Variants in DOCK10 observed in about 807,000 individuals in gnomAD.
The protein encoded by DOCK10 is dedicator of cytokinesis protein 10.
A neutral mutation model predicts 280.1 loss-of-function variants in DOCK10; 145 were observed. The ratio of observed to expected loss-of-function variants is 0.52; its 90% confidence interval spans 0.45 to 0.59. The LOEUF (loss-of-function observed/expected upper bound fraction) is 0.59. Ranked by LOEUF, DOCK10 falls within the 20% of genes least tolerant of loss-of-function variation. The probability of loss-of-function intolerance (pLI) is 0.00; values close to 1 mark genes in which losing one functional copy is unlikely to be tolerated. For synonymous variants in DOCK10, 915 were observed against 942.2 expected, an observed-to-expected ratio of 0.97 and a Z score of 0.53; for missense variants, 2,368 against 2,651.7, an observed-to-expected ratio of 0.89 and a Z score of 2.35.
chr2:224,819,810 A>C (rs979434296), intron 28 of DOCK10, among the ~76,000 whole-genome samples: 2 of 152,192 alleles, frequency 1.3e-5, no homozygotes, highest in African/African-American at 4.8e-5. Flanking sequence ...ATTGAAAGGA[A>C]AAACAGAATG....
At chr2:224,918,445 G>A (rs1701461263) in intron 2 of DOCK10, among the ~76,000 whole-genome samples, 1 of 141,028 alleles carries the variant, frequency 7.1e-6, no homozygotes, top group Non-Finnish European at 1.6e-5. Flanking sequence ...CGTATGGTGT[G>A]TGTATGTGTT....
At chr2:224,919,270 T>C (rs62647510) in intron 2 of DOCK10, among the ~76,000 whole-genome samples, 34,461 of 150,266 alleles carry the variant, frequency 0.23, 4,415 homozygotes, top group Non-Finnish European at 0.28. Context: ...TGTAGGTTTG[T>C]CTGCATGTGT....
At chr2:224,951,214 T>A (rs1289571537) in intron 1 of DOCK10, among the ~76,000 whole-genome samples, 2 of 152,222 alleles carry the variant, frequency 1.3e-5, no homozygotes, top group Admixed American at 1.3e-4. Flanking sequence ...TGAAACAATA[T>A]ATGTGAGTCC....
Position 224,765,602 on chromosome 2 carries a change from TA to T in DOCK10, c.*118del. On this transcript the variant is annotated 3_prime_UTR_variant, in exon 56 of 56. Coordinates refer to ENST00000258390, the MANE Select transcript of DOCK10 (RefSeq NM_014689.3). Reference sequence around the variant, plus strand: ...TGGCAAAATTCTGAAGCTAGCGAGGTAAACAAAAATATTAACACCATGAAAA... The same window carrying T: ...TGGCAAAATTCTGAAGCTAGCGAGGTAACAAAAATATTAACACCATGAAAA... 1 of 678,262 alleles carries T rather than the reference TA, an allele frequency of 1.5e-6. No individual in the cohort carries two copies. The highest frequency in any genetic ancestry group is 2.4e-6 in the Non-Finnish European group (1 of 424,978). The allele number at this position is 678,262 out of a possible 1,614,324, so 42.0% of individuals were successfully genotyped here.
At chr2:225,015,904 C>G (rs1380262611) in intron 1 of DOCK10, among the ~76,000 whole-genome samples, 1 of 152,018 alleles carries the variant, frequency 6.6e-6, no homozygotes, top group African/African-American at 2.4e-5. Flanking sequence ...AAAATGTCAA[C>G]TAAATAAAAT....
Position 224,985,375 on chromosome 2 carries a change from TATC to T in DOCK10, c.124-53710_124-53708del, listed in dbSNP as rs566318730. On this transcript the variant is annotated intron_variant, in intron 1 of 55. Coordinates refer to ENST00000258390, the MANE Select transcript of DOCK10 (RefSeq NM_014689.3). ...GGGTCATTAATTATATATTATATTA[TATC>T]ATATTATTGTATGTTATTTCATATA... Among the ~76,000 whole-genome samples, 88 of 151,464 alleles carry T rather than the reference TATC, an allele frequency of 5.8e-4. 1 individual carries two copies. Among genetic ancestry groups the T allele is most frequent in the Admixed American group, 2.4e-3 (37 of 15,180 alleles).
At position 224,794,852 on chromosome 2, in the gene DOCK10, G is replaced by C. The variant is rs370070488; in HGVS notation, c.5154+27C>G. The C allele has an allele frequency of 1.4e-3, 2,263 of 1,608,670 alleles. 3 individuals carry two copies. The highest frequency in any genetic ancestry group is 1.7e-3 in the Non-Finnish European group (2,043 of 1,176,422). ...CCTGATAAAGAGGACAATACTGATG[G>C]TAAATGACCAAGCCTTGGCTAATCA... On this transcript the variant is annotated intron_variant, in intron 45 of 55. Coordinates refer to ENST00000258390, the MANE Select transcript of DOCK10 (RefSeq NM_014689.3).
chr2:224,955,088 C>A (rs932702946), intron 1 of DOCK10, among the ~76,000 whole-genome samples: 1 of 152,182 alleles, frequency 6.6e-6, no homozygotes, highest in African/African-American at 2.4e-5. Context: ...AAATTAACTA[C>A]AGACCAATGT....
chr2:225,025,574 T>C (rs1056884259), intron 1 of DOCK10, among the ~76,000 whole-genome samples: 1 of 152,212 alleles, frequency 6.6e-6, no homozygotes, highest in African/African-American at 2.4e-5. Flanking sequence ...GGGCCTAGAA[T>C]GCAATTTTCC....
chr2:225,036,903 G>GTTTT lies in DOCK10; in HGVS notation c.123+5345_123+5348dup, dbSNP rs56000508. Among the ~76,000 whole-genome samples, 264 of 145,852 alleles carry GTTTT rather than the reference G, an allele frequency of 1.8e-3. 4 individuals are homozygous for GTTTT. Among genetic ancestry groups the GTTTT allele is most frequent in the Admixed American group, 3.0e-3 (44 of 14,648 alleles). ...GATTACATCTAACTTTCCTAATACT[G>GTTTT]TTTTTTTTTTTCTGGCTAATATTAC... On this transcript the variant is annotated intron_variant, in intron 1 of 55. Transcript: ENST00000258390.
chr2:224,931,504 G>T (rs1349990869), intron 2 of DOCK10, 45 bp downstream of exon 2: 2 of 1,560,378 alleles, frequency 1.3e-6, no homozygotes, highest in Non-Finnish European at 1.7e-6. Flanking sequence ...GACCCAATGT[G>T]TAGGGCCCTC....
chr2:224,934,565 T>C (rs1241719450), intron 1 of DOCK10, among the ~76,000 whole-genome samples: 1 of 152,200 alleles, frequency 6.6e-6, no homozygotes, highest in Non-Finnish European at 1.5e-5. Context: ...CCGGACTACA[T>C]AACCAGTAGT....
intron 1 of DOCK10, among the ~76,000 whole-genome samples, chr2:224,961,819 T>G (rs1227104756): frequency 6.6e-6 from 1 of 152,156 alleles, no homozygotes; most frequent in East Asian, 1.9e-4. Flanking sequence ...AGCAGCATTT[T>G]CTTACAGGGT....
At position 224,774,991 on chromosome 2, in the gene DOCK10, C is replaced by A. The variant is rs764284194; in HGVS notation, c.5927G>T (p.Arg1976Leu). 1.2e-6 allele frequency: 2 copies of A among 1,613,452 alleles called. No individual in the cohort carries two copies. Among genetic ancestry groups the A allele is most frequent in the East Asian group, 2.2e-5 (1 of 44,858 alleles). The change falls in exon 52 of 56, where the codon CGC (arginine) becomes CTC (leucine). Residue 1976 changes from arginine (R) to leucine (L), a missense_variant. Around this residue, in one of 2 missense-constraint regions of DOCK10, gnomAD observed 1,159 missense variants for 1,400.8 expected, o/e 0.83. Transcript: ENST00000258390. Reference sequence around the variant, plus strand: ...CGTGAAGGGTGTCTCGAAGACAAAGCGGTTGATGTTGTGGTGCATTTCGAA... The same window carrying A: ...CGTGAAGGGTGTCTCGAAGACAAAGAGGTTGATGTTGTGGTGCATTTCGAA... ...TDFEMHHNIN[R>L]FVFETPFTLS...
chr2:224,905,441 G>A (rs1700565525), intron 3 of DOCK10, among the ~76,000 whole-genome samples: 1 of 150,996 alleles, frequency 6.6e-6, no homozygotes, highest in African/African-American at 2.4e-5. Context: ...AGTAGAGACG[G>A]GGTTTCACCT....
At chr2:224,792,934 T>C (rs1574830845) in intron 47 of DOCK10, 40 bp downstream of exon 47, 4 of 1,442,146 alleles carry the variant, frequency 2.8e-6, no homozygotes, top group African/African-American at 1.4e-5. Context: ...GCAAGTGGAT[T>C]TCCTCTGCAT....
intron 1 of DOCK10, among the ~76,000 whole-genome samples, chr2:225,011,037 T>C (rs747912092): frequency 6.6e-5 from 10 of 152,200 alleles, no homozygotes; most frequent in Non-Finnish European, 1.2e-4. Context: ...ACATTCTGAC[T>C]CACAACAAGT....
At chr2:224,946,473 C>T (rs2126102040) in intron 1 of DOCK10, among the ~76,000 whole-genome samples, 1 of 152,162 alleles carries the variant, frequency 6.6e-6, no homozygotes, top group South Asian at 2.1e-4. Context: ...AAAAATACAA[C>T]CATATACATG....
intron 1 of DOCK10, among the ~76,000 whole-genome samples, chr2:224,953,398 C>T (rs1703871042): frequency 6.6e-6 from 1 of 152,216 alleles, no homozygotes; most frequent in South Asian, 2.1e-4. Flanking sequence ...GTCCATGGTG[C>T]ATCTGCAGGC....
Sources: gnomAD v4.1 joint callset for allele counts (sites outside exome capture counted in the v4.1 genomes callset) on GRCh38, gnomAD v4.1.1 for gene constraint, gnomAD v4.1.1 regional missense constraint, MANE v1.5 for transcripts, NCBI Gene and HGNC (gene_info 2026-07-23, HGNC 2026-07-21) for gene names.